PLGRKT: variants seen among roughly 807,000 people sequenced by gnomAD.
PLGRKT encodes the protein plasminogen receptor (KT).
A neutral mutation model predicts 18.5 loss-of-function variants in PLGRKT; 22 were observed. The observed-to-expected ratio is 1.19, with a 90% CI of 0.85 to 1.70. The LOEUF is 1.70. Among genes scored for constraint, PLGRKT ranks in the 40% most tolerant of loss-of-function variants. PLGRKT has a pLI of 0.00. For synonymous variants in PLGRKT, 72 were observed against 52.8 expected, an observed-to-expected ratio of 1.36 and a Z score of -1.58; for missense variants, 235 against 174.4, an observed-to-expected ratio of 1.35 and a Z score of -1.96.
chr9:5,398,588 A>G (rs1356999921), intron 3 of PLGRKT, among the ~76,000 whole-genome samples: 1 of 151,818 alleles, frequency 6.6e-6, no homozygotes, highest in Non-Finnish European at 1.5e-5. Context: ...TCAATTTGAT[A>G]AAGCTACAAA....
At chr9:5,410,283 C>G (rs1818336527) in intron 3 of PLGRKT, among the ~76,000 whole-genome samples, 1 of 151,950 alleles carries the variant, frequency 6.6e-6, no homozygotes, top group South Asian at 2.1e-4. Context: ...TGCCTGTAAT[C>G]CCGGCACTTT....
rs1340371603 is a variant in PLGRKT, at chr9:5,395,897, T to TTG, written c.82-34010_82-34009insCA. On this transcript the variant is annotated intron_variant, in intron 3 of 5. Transcript: ENST00000223864. Reference sequence around the variant, plus strand: ...ATCCTCTAACCTAACAGTTTTTTTTTTTTTTTTTTTTCCTGAGACAGAGTC... The same window carrying TTG: ...ATCCTCTAACCTAACAGTTTTTTTTTTGTTTTTTTTTTTCCTGAGACAGAGTC... Among the ~76,000 whole-genome samples, 696 of 150,548 alleles carry TTG rather than the reference T, an allele frequency of 4.6e-3. 21 individuals are homozygous for TTG. Among genetic ancestry groups the TTG allele is most frequent in the African/African-American group, 0.017 (679 of 40,716 alleles).
chr9:5,377,727 C>T lies in PLGRKT; in HGVS notation c.82-15839G>A, dbSNP rs116209985. On this transcript the variant is annotated intron_variant, in intron 3 of 5. Coordinates refer to ENST00000223864, the MANE Select transcript of PLGRKT (RefSeq NM_018465.4). ...TTGGAAATAATTTAATACCTACCCA[C>T]GTAACAACAAATGGTGCCCCTCCAT... Among the ~76,000 whole-genome samples the T allele has an allele frequency of 2.6e-3, 394 of 152,278 alleles. 2 individuals are homozygous for T. The highest frequency in any genetic ancestry group is 8.4e-3 in the African/African-American group (348 of 41,556).
chr9:5,372,389 T>A (rs1383071069), intron 3 of PLGRKT, among the ~76,000 whole-genome samples: 1 of 152,154 alleles, frequency 6.6e-6, no homozygotes, highest in African/African-American at 2.4e-5. Context: ...CCAAACCCTA[T>A]GAGGTTAGTC....
chr9:5,362,147 G>C (rs541985709), intron 3 of PLGRKT, among the ~76,000 whole-genome samples: 1 of 152,276 alleles, frequency 6.6e-6, no homozygotes, highest in Admixed American at 6.5e-5. Context: ...ACTGCCTGTG[G>C]TCTGGAGCTT....
In PLGRKT at chr9:5,381,125, T is replaced by C. The variant is rs545047020; in HGVS notation, c.82-19237A>G. ...AATTAAACCTCTTTCCTTTTTAAAT[T>C]ACCTAGTAACAGTATGAAAACAGAC... On this transcript the variant is annotated intron_variant, in intron 3 of 5. Transcript: ENST00000223864. 6.6e-5 allele frequency among the ~76,000 whole-genome samples: 10 copies of C among 152,328 alleles called. 1 individual carries two copies. The South Asian group carries it at 1.7e-3, about 25-fold the overall frequency.
intron 3 of PLGRKT, among the ~76,000 whole-genome samples, chr9:5,389,442 T>G (rs1484308959): frequency 6.6e-6 from 1 of 151,832 alleles, no homozygotes; most frequent in East Asian, 1.9e-4. Context: ...TAGCTGATAG[T>G]GCCAGGTCAG....
intron 3 of PLGRKT, among the ~76,000 whole-genome samples, chr9:5,413,298 T>C (rs1818399245): frequency 6.6e-6 from 1 of 152,190 alleles, no homozygotes; most frequent in Non-Finnish European, 1.5e-5. Context: ...ATATTGGAAA[T>C]AACCTAAGTA....
chr9:5,427,894 T>C (rs981668588), intron 3 of PLGRKT, among the ~76,000 whole-genome samples: 1 of 152,180 alleles, frequency 6.6e-6, no homozygotes, highest in Non-Finnish European at 1.5e-5. Context: ...GTGGTGAGGA[T>C]GGGAAAGTGG....
At chr9:5,431,276 G>A (rs1255635747) in intron 3 of PLGRKT, among the ~76,000 whole-genome samples, 1 of 152,154 alleles carries the variant, frequency 6.6e-6, no homozygotes, top group Non-Finnish European at 1.5e-5. Context: ...ACACATACCT[G>A]TAATTCCAGC....
In PLGRKT at chr9:5,367,099, C is replaced by T. The variant is rs12352912; in HGVS notation, c.82-5211G>A. 4.6e-3 allele frequency among the ~76,000 whole-genome samples: 695 copies of T among 150,416 alleles called. 7 individuals carry two copies. Among genetic ancestry groups the T allele is most frequent in the African/African-American group, 0.016 (643 of 40,886 alleles). On this transcript the variant is annotated intron_variant, in intron 3 of 5. Transcript: ENST00000223864. ...GGAATGAAAGAAATCAGAGACAGCA[C>T]AAACAAATGAAAGAACATTCCACGC...
At position 5,417,707 on chromosome 9, in the gene PLGRKT, C is replaced by G. The variant is rs144784947; in HGVS notation, c.81+14190G>C. Among the ~76,000 whole-genome samples, 817 of 148,536 alleles carry G rather than the reference C, an allele frequency of 5.5e-3. 5 individuals carry two copies. Among genetic ancestry groups the G allele is most frequent in the African/African-American group, 0.019 (781 of 40,104 alleles). On this transcript the variant is annotated intron_variant, in intron 3 of 5. Coordinates refer to ENST00000223864, the MANE Select transcript of PLGRKT (RefSeq NM_018465.4). The stretch of plus-strand genomic sequence containing the variant: ...GTTTATTGCTCCCCTATTGGGCTTT[C>G]AGTTTAATAAACACGTAGGATCTCT...
chr9:5,415,426 G>A (rs1226089248), intron 3 of PLGRKT, among the ~76,000 whole-genome samples: 1 of 152,156 alleles, frequency 6.6e-6, no homozygotes, highest in African/African-American at 2.4e-5. Flanking sequence ...AAACCTCAGA[G>A]TAATAACTGT....
intron 3 of PLGRKT, among the ~76,000 whole-genome samples, chr9:5,427,699 C>T (rs746096814): frequency 6.6e-5 from 10 of 152,290 alleles, no homozygotes; most frequent in Middle Eastern, 3.4e-3. Context: ...GGAAGACTAC[C>T]GTTGTTTGCA....
intron 3 of PLGRKT, 92 bp downstream of exon 3, chr9:5,431,805 T>C (rs1586748370): frequency 1.5e-6 from 1 of 663,898 alleles, no homozygotes. Flanking sequence ...CATTTTATTG[T>C]TGGGAGTCAA....
At chr9:5,378,037 G>T (rs1201118620) in intron 3 of PLGRKT, among the ~76,000 whole-genome samples, 2 of 152,186 alleles carry the variant, frequency 1.3e-5, no homozygotes, top group Non-Finnish European at 2.9e-5. Context: ...CTAAAGGGAA[G>T]CTCTTGTGTT....
At chr9:5,431,637 G>T (rs1818826969) in intron 3 of PLGRKT, among the ~76,000 whole-genome samples, 1 of 151,986 alleles carries the variant, frequency 6.6e-6, no homozygotes, top group South Asian at 2.1e-4. Flanking sequence ...TGGGGGTGGG[G>T]GGCATTATTC....
chr9:5,379,374 T>C (rs1817692806), intron 3 of PLGRKT, among the ~76,000 whole-genome samples: 1 of 152,204 alleles, frequency 6.6e-6, no homozygotes, highest in Non-Finnish European at 1.5e-5. Flanking sequence ...TACAGAGATG[T>C]GCTGTTCAAC....
chr9:5,427,603 G>A (rs1818727786), intron 3 of PLGRKT, among the ~76,000 whole-genome samples: 2 of 152,050 alleles, frequency 1.3e-5, no homozygotes. Flanking sequence ...GTATGTACTG[G>A]GAAAACCATA....
Sources: gnomAD v4.1 joint callset for allele counts (sites outside exome capture counted in the v4.1 genomes callset) on GRCh38, gnomAD v4.1.1 for gene constraint, MANE v1.5 for transcripts, NCBI Gene and HGNC (gene_info 2026-07-23, HGNC 2026-07-21) for gene names.